DLG2: variants seen among roughly 807,000 people sequenced by gnomAD.
DLG2 encodes discs large MAGUK scaffold protein 2.
In DLG2, 45 loss-of-function variants were observed where a neutral mutation model predicts 132.5. The ratio of observed to expected loss-of-function variants is 0.34; its 90% confidence interval spans 0.27 to 0.44. The LOEUF is 0.44. DLG2 is among the 20% of genes least tolerant of loss of function. The pLI is 1.00. For missense variants in DLG2, 1,045 were observed against 1,196.9 expected (o/e 0.87, Z 1.87); for synonymous variants, 424 against 419.6 (o/e 1.01, Z -0.13).
At chr11:83,546,791 A>G (rs1442850033) in intron 19 of DLG2, among the ~76,000 whole-genome samples, 2 of 152,130 alleles carry the variant, frequency 1.3e-5, no homozygotes, top group Non-Finnish European at 2.9e-5. Flanking sequence ...GATACTATGG[A>G]CTAGCCTGCA....
At chr11:85,465,660 A>G (rs1354027883) in intron 3 of DLG2, among the ~76,000 whole-genome samples, 12 of 152,186 alleles carry the variant, frequency 7.9e-5, no homozygotes, top group Non-Finnish European at 1.3e-4. Context: ...GCTGCATAGT[A>G]TTCCATGGTG....
intron 14 of DLG2, among the ~76,000 whole-genome samples, chr11:83,933,852 G>A (rs2080886589): frequency 1.3e-5 from 2 of 152,310 alleles, no homozygotes; most frequent in South Asian, 4.1e-4. Flanking sequence ...AAAAGGCCTA[G>A]GCCATTTGGA....
intron 14 of DLG2, among the ~76,000 whole-genome samples, chr11:83,937,860 T>C (rs557409910): frequency 6.6e-6 from 1 of 152,342 alleles, no homozygotes; most frequent in South Asian, 2.1e-4. Context: ...TTGCTGGTGC[T>C]ATGGAGTGTA....
chr11:85,459,067 C>T (rs920789651), intron 3 of DLG2, among the ~76,000 whole-genome samples: 7 of 152,168 alleles, frequency 4.6e-5, no homozygotes, highest in Admixed American at 2.0e-4. Context: ...GTGTCAGGGA[C>T]AGGTAACAGG....
At chr11:85,234,314 C>A (rs1337855568) in intron 4 of DLG2, among the ~76,000 whole-genome samples, 1 of 151,924 alleles carries the variant, frequency 6.6e-6, no homozygotes, top group Non-Finnish European at 1.5e-5. Flanking sequence ...TTCCAAATAA[C>A]CACAAAACAT....
chr11:84,294,364 C>T (rs1238457833), intron 7 of DLG2, among the ~76,000 whole-genome samples: 3 of 152,072 alleles, frequency 2.0e-5, no homozygotes, highest in East Asian at 1.9e-4. Flanking sequence ...TTTGGGAGGC[C>T]AAGGCGGTGG....
chr11:85,145,640 T>C (rs534246371), intron 5 of DLG2, among the ~76,000 whole-genome samples: 2 of 152,178 alleles, frequency 1.3e-5, no homozygotes, highest in South Asian at 2.1e-4. Flanking sequence ...ATTTTGACAA[T>C]AGAAATTTTT....
intron 18 of DLG2, among the ~76,000 whole-genome samples, chr11:83,664,921 C>T (rs1438841943): frequency 2.0e-5 from 3 of 152,170 alleles, no homozygotes; most frequent in South Asian, 2.1e-4. Context: ...GTATCTTAAA[C>T]CTCAACTAGA....
chr11:84,354,794 G>C (rs886138153), intron 7 of DLG2, among the ~76,000 whole-genome samples: 2 of 152,070 alleles, frequency 1.3e-5, no homozygotes, highest in Admixed American at 1.3e-4. Flanking sequence ...GGTTTGACTA[G>C]GTTGTCAATA....
At chr11:84,585,663 T>G (rs1433286348) in intron 6 of DLG2, among the ~76,000 whole-genome samples, 1 of 152,236 alleles carries the variant, frequency 6.6e-6, no homozygotes, top group Non-Finnish European at 1.5e-5. Flanking sequence ...TTAAGTCTTC[T>G]TTGGTAAATT....
intron 6 of DLG2, among the ~76,000 whole-genome samples, chr11:84,688,342 T>C (rs1334649330): frequency 6.6e-6 from 1 of 152,170 alleles, no homozygotes; most frequent in African/African-American, 2.4e-5. Context: ...AATCACTGTA[T>C]TAAAATTAGG....
chr11:84,461,431 T>A (rs1013677640), intron 7 of DLG2, among the ~76,000 whole-genome samples: 7 of 150,988 alleles, frequency 4.6e-5, no homozygotes, highest in Non-Finnish European at 7.4e-5. Flanking sequence ...ATTAGATTAG[T>A]TGTAAGAGTG....
intron 6 of DLG2, among the ~76,000 whole-genome samples, chr11:85,037,796 G>A (rs577516891): frequency 1.3e-5 from 2 of 152,102 alleles, no homozygotes; most frequent in African/African-American, 4.8e-5. Context: ...GGAAGAGACA[G>A]TTTCTAAAAT....
intron 6 of DLG2, among the ~76,000 whole-genome samples, chr11:84,568,829 A>G (rs1347613217): frequency 1.3e-5 from 2 of 152,216 alleles, no homozygotes; most frequent in African/African-American, 2.4e-5. Flanking sequence ...AAGGTCAAAT[A>G]GCTACTCAAC....
intron 7 of DLG2, among the ~76,000 whole-genome samples, chr11:84,296,192 G>A (rs547911753): frequency 1.3e-5 from 2 of 151,628 alleles, no homozygotes; most frequent in South Asian, 2.1e-4. Context: ...TTAGAGCAAT[G>A]TTTGGCTTTT....
chr11:85,324,134 A>G (rs1406910080), intron 3 of DLG2, among the ~76,000 whole-genome samples: 1 of 152,116 alleles, frequency 6.6e-6, no homozygotes, highest in Non-Finnish European at 1.5e-5. Context: ...TGAAATGACC[A>G]TTTATTTAAG....
intron 3 of DLG2, among the ~76,000 whole-genome samples, chr11:85,519,742 G>C (rs934378721): frequency 1.3e-5 from 2 of 152,094 alleles, no homozygotes; most frequent in African/African-American, 4.8e-5. Context: ...ATCTCATCTT[G>C]AATTCCCACG....
intron 3 of DLG2, among the ~76,000 whole-genome samples, chr11:85,578,280 T>C (rs1352897909): frequency 1.3e-5 from 2 of 152,082 alleles, no homozygotes; most frequent in Non-Finnish European, 1.5e-5. Context: ...CCCAAAATTA[T>C]AAAAACCCTA....
intron 6 of DLG2, among the ~76,000 whole-genome samples, chr11:84,892,076 TAC>T (rs1394051740): frequency 6.6e-6 from 1 of 152,236 alleles, no homozygotes; most frequent in African/African-American, 2.4e-5. Context: ...CTTCAAGGTC[TAC>T]AGTTATACTT....
Sources: allele counts gnomAD v4.1 joint callset (sites outside exome capture counted in the v4.1 genomes callset), GRCh38; gene constraint gnomAD v4.1.1; transcripts MANE v1.5; gene names NCBI Gene and HGNC (gene_info 2026-07-23, HGNC 2026-07-21).